Variants in GULP1 observed in about 807,000 individuals in gnomAD.
The protein encoded by GULP1 is PTB domain-containing engulfment adapter protein 1.
In GULP1, 19 loss-of-function variants were observed where a neutral mutation model predicts 40.9. The ratio of observed to expected loss-of-function variants is 0.46; its 90% CI spans 0.32 to 0.68. The LOEUF (loss-of-function observed/expected upper bound fraction) is 0.68, where lower values mean the gene tolerates loss of function less well. Among genes scored for constraint, GULP1 ranks in the 30% least tolerant of loss-of-function variants. The pLI is 0.03. For missense variants in GULP1, 312 were observed against 362.2 expected (o/e 0.86, Z 1.12); for synonymous variants, 119 against 117.6 (o/e 1.01, Z -0.08).
At chr2:188,391,437 A>C (rs1035442041) in intron 2 of GULP1, among the ~76,000 whole-genome samples, 4 of 152,070 alleles carry the variant, frequency 2.6e-5, no homozygotes, top group Non-Finnish European at 5.9e-5. Context: ...TAGCAGTGCT[A>C]CTGATTTGTG....
intron 7 of GULP1, among the ~76,000 whole-genome samples, chr2:188,551,072 G>T (rs1693340533): frequency 6.6e-6 from 1 of 151,588 alleles, no homozygotes; most frequent in Non-Finnish European, 1.5e-5. Context: ...TAATTTGTCT[G>T]AGGTTCTTTT....
chr2:188,350,666 TC>T (rs1379823244), intron 1 of GULP1, among the ~76,000 whole-genome samples: 1 of 152,064 alleles, frequency 6.6e-6, no homozygotes, highest in Non-Finnish European at 1.5e-5. Context: ...GCTTTTTTTT[TC>T]TTAACTAAAT....
At chr2:188,387,348 T>C (rs1330625255) in intron 2 of GULP1, among the ~76,000 whole-genome samples, 1 of 152,210 alleles carries the variant, frequency 6.6e-6, no homozygotes, top group African/African-American at 2.4e-5. Context: ...TAATATTTAT[T>C]GAAAACTTAT....
At chr2:188,318,844 C>T (rs866342875) in intron 1 of GULP1, among the ~76,000 whole-genome samples, 41 of 152,150 alleles carry the variant, frequency 2.7e-4, no homozygotes, top group African/African-American at 8.2e-4. Flanking sequence ...CTGTGCTCTG[C>T]AAGGAGCAGT....
intron 1 of GULP1, among the ~76,000 whole-genome samples, chr2:188,359,280 GGAGATGTAGTGAT>G (rs1243231096): frequency 6.6e-6 from 1 of 152,006 alleles, no homozygotes; most frequent in East Asian, 1.9e-4. Flanking sequence ...ACCAACTTTT[GGAGATGTAGTGAT>G]GAGCAAAGAA....
intron 2 of GULP1, among the ~76,000 whole-genome samples, chr2:188,455,406 G>T (rs2059174971): frequency 6.6e-6 from 1 of 152,102 alleles, no homozygotes; most frequent in South Asian, 2.1e-4. Flanking sequence ...AATTATGGGG[G>T]CAGGACTTTC....
intron 4 of GULP1, among the ~76,000 whole-genome samples, chr2:188,486,525 C>T (rs2061875954): frequency 6.6e-6 from 1 of 151,880 alleles, no homozygotes; most frequent in African/African-American, 2.4e-5. Context: ...TATGTAATAA[C>T]ATTTATGTTT....
At chr2:188,424,405 T>A (rs1243235171) in intron 2 of GULP1, among the ~76,000 whole-genome samples, 3 of 151,950 alleles carry the variant, frequency 2.0e-5, no homozygotes, top group Admixed American at 1.3e-4. Context: ...TTCATTGATT[T>A]CAATGCATGA....
At chr2:188,502,032 T>C (rs867606905) in intron 4 of GULP1, among the ~76,000 whole-genome samples, 2 of 152,050 alleles carry the variant, frequency 1.3e-5, no homozygotes, top group South Asian at 2.1e-4. Context: ...AAACTATTTT[T>C]TCAAAAATAT....
At chr2:188,369,724 T>A (rs2047349290) in intron 1 of GULP1, among the ~76,000 whole-genome samples, 1 of 152,224 alleles carries the variant, frequency 6.6e-6, no homozygotes, top group Non-Finnish European at 1.5e-5. Context: ...TTATAACATC[T>A]GTAAAGTATC....
intron 1 of GULP1, among the ~76,000 whole-genome samples, chr2:188,294,957 T>C (rs2034601569): frequency 6.6e-6 from 1 of 152,218 alleles, no homozygotes; most frequent in Admixed American, 6.5e-5. Flanking sequence ...ATTACCACTT[T>C]TACATTTTAA....
chr2:188,533,964 A>C (rs2153273695), intron 6 of GULP1, among the ~76,000 whole-genome samples: 1 of 152,334 alleles, frequency 6.6e-6, no homozygotes. Flanking sequence ...ACTGTTATTA[A>C]AAAGTTCAAA....
chr2:188,587,926 C>A lies in GULP1; in HGVS notation c.820C>A (p.Gln274Lys). 1 of 1,597,794 alleles carries A rather than the reference C, an allele frequency of 6.3e-7. No individual in the cohort carries two copies. Among genetic ancestry groups the A allele is most frequent in the Non-Finnish European group, 8.6e-7 (1 of 1,165,200 alleles). ...AGCAGCAGATTTCCCTCCAGATATT[C>A]AATCAAAATTAGATGAGATGCAGGT... ...CGAADFPPDI[Q>K]SKLDEMQEGF... The change falls in exon 11 of 12, where the codon CAA becomes AAA. Residue 274 changes from glutamine to lysine, a missense_variant. Physicochemically the swap from Gln to Lys is moderately conservative, Grantham distance 53. Coordinates refer to ENST00000409830, the MANE Select transcript of GULP1 (RefSeq NM_016315.4).
chr2:188,566,391 G>T (rs1441872894), intron 7 of GULP1, among the ~76,000 whole-genome samples: 2 of 152,026 alleles, frequency 1.3e-5, no homozygotes, highest in Non-Finnish European at 2.9e-5. Flanking sequence ...ATTATAAAAT[G>T]AGAACATGGT....
chr2:188,561,634 C>T (rs1696306725), intron 7 of GULP1, among the ~76,000 whole-genome samples: 1 of 152,166 alleles, frequency 6.6e-6, no homozygotes, highest in Non-Finnish European at 1.5e-5. Context: ...TGACAGTAGT[C>T]ACTAGCTGTA....
chr2:188,314,992 GGCACCAAA>G (rs2038845862), intron 1 of GULP1, among the ~76,000 whole-genome samples: 1 of 151,962 alleles, frequency 6.6e-6, no homozygotes, highest in Non-Finnish European at 1.5e-5. Flanking sequence ...ACTTAATAAT[GGCACCAAA>G]GCACAGAGTA....
At chr2:188,389,461 A>C (rs962401178) in intron 2 of GULP1, among the ~76,000 whole-genome samples, 1 of 152,190 alleles carries the variant, frequency 6.6e-6, no homozygotes, top group Non-Finnish European at 1.5e-5. Context: ...TTAGCCTTAC[A>C]CTTTCCAGCA....
intron 7 of GULP1, chr2:188,542,256 C>T (rs1441185178): frequency 6.6e-6 from 1 of 152,118 alleles, no homozygotes; most frequent in African/African-American, 2.4e-5. Context: ...CATGTAACCT[C>T]AACAATTTTA....
At chr2:188,362,062 C>T (rs1301568475) in intron 1 of GULP1, among the ~76,000 whole-genome samples, 2 of 152,000 alleles carry the variant, frequency 1.3e-5, no homozygotes, top group African/African-American at 4.8e-5. Context: ...TGACTACTTG[C>T]ATGTCATATA....
Sources: allele counts gnomAD v4.1 joint callset (sites outside exome capture counted in the v4.1 genomes callset), GRCh38; gene constraint gnomAD v4.1.1; transcripts MANE v1.5; gene names NCBI Gene and HGNC (gene_info 2026-07-23, HGNC 2026-07-21).